CADPS2: variants seen among roughly 807,000 people sequenced by gnomAD.
The protein encoded by CADPS2 is calcium dependent secretion activator 2.
A neutral mutation model predicts 172.5 loss-of-function variants in CADPS2; 93 were observed. That is an observed-to-expected ratio of 0.54 (90% CI 0.46 to 0.64). The LOEUF is 0.64. CADPS2 is among the 30% of genes least tolerant of loss of function. The probability of loss-of-function intolerance (pLI) is 0.00; values close to 1 mark genes in which losing one functional copy is unlikely to be tolerated. For synonymous variants in CADPS2, 546 were observed against 555.2 expected (o/e 0.98, Z 0.23); for missense variants, 1,420 against 1,565.9 (o/e 0.91, Z 1.57).
chr7:122,499,647 T>G (rs1338282500), intron 9 of CADPS2, among the ~76,000 whole-genome samples: 3 of 152,150 alleles, frequency 2.0e-5, no homozygotes, highest in Non-Finnish European at 4.4e-5. Context: ...AGAAAAACTG[T>G]GTAAGTCCTT....
chr7:122,386,303 T>C, intron 24 of CADPS2: 1 of 1,441,258 alleles, frequency 6.9e-7, no homozygotes, highest in Non-Finnish European at 9.2e-7. Flanking sequence ...ACCCATTGAC[T>C]ACCAAACTGG....
chr7:122,695,782 T>G (rs1024675128), intron 2 of CADPS2, among the ~76,000 whole-genome samples: 1 of 152,204 alleles, frequency 6.6e-6, no homozygotes, highest in African/African-American at 2.4e-5. Context: ...ACATGCCAAT[T>G]TCTTATGCAT....
At chr7:122,871,034 T>G (rs1819607400) in intron 1 of CADPS2, among the ~76,000 whole-genome samples, 1 of 152,000 alleles carries the variant, frequency 6.6e-6, no homozygotes, top group African/African-American at 2.4e-5. Flanking sequence ...ATTAATCACT[T>G]TATTGATGAA....
At chr7:122,659,756 A>G (rs2080303805) in intron 3 of CADPS2, among the ~76,000 whole-genome samples, 1 of 152,142 alleles carries the variant, frequency 6.6e-6, no homozygotes, top group African/African-American at 2.4e-5. Flanking sequence ...AGGAAGCCAT[A>G]AGGGGGAAAA....
chr7:122,664,166 A>T (rs987926818), intron 2 of CADPS2, among the ~76,000 whole-genome samples: 31 of 152,004 alleles, frequency 2.0e-4, no homozygotes, highest in Admixed American at 3.3e-4. Context: ...TTCAGCAGGG[A>T]AAGAATCATG....
intron 2 of CADPS2, among the ~76,000 whole-genome samples, chr7:122,704,810 T>C (rs961309165): frequency 6.6e-6 from 1 of 152,086 alleles, no homozygotes; most frequent in African/African-American, 2.4e-5. Flanking sequence ...TCAGGGGACA[T>C]CTGGCTGCTT....
chr7:122,837,994 G>T (rs939148453), intron 1 of CADPS2, among the ~76,000 whole-genome samples: 3 of 152,164 alleles, frequency 2.0e-5, no homozygotes, highest in Middle Eastern at 3.4e-3. Context: ...AATTTTAGAC[G>T]AATATGCCTG....
chr7:122,841,049 T>C (rs892840984), intron 1 of CADPS2, among the ~76,000 whole-genome samples: 3 of 152,120 alleles, frequency 2.0e-5, no homozygotes, highest in Admixed American at 1.3e-4. Context: ...TTGATCAATA[T>C]AAGAAATCAC....
At chr7:122,506,827 T>C (rs942219872) in intron 9 of CADPS2, among the ~76,000 whole-genome samples, 1 of 152,112 alleles carries the variant, frequency 6.6e-6, no homozygotes, top group Admixed American at 6.6e-5. Context: ...GGAATATTTA[T>C]TGTTAACTGT....
intron 2 of CADPS2, among the ~76,000 whole-genome samples, chr7:122,668,159 TAA>T (rs1016713357): frequency 1.3e-5 from 2 of 152,126 alleles, no homozygotes; most frequent in Admixed American, 1.3e-4. Flanking sequence ...AAAGTGGAGT[TAA>T]AGAGGATTTG....
intron 1 of CADPS2, among the ~76,000 whole-genome samples, chr7:122,771,980 T>C (rs1167773567): frequency 6.6e-6 from 1 of 152,100 alleles, no homozygotes; most frequent in African/African-American, 2.4e-5. Context: ...ACAGTTCCAA[T>C]AGACCAGGTG....
intron 11 of CADPS2, 78 bp downstream of exon 11, chr7:122,490,003 A>G (rs945635521): frequency 3.3e-6 from 4 of 1,203,706 alleles, no homozygotes; most frequent in Admixed American, 3.8e-5. Context: ...AAACTATAAT[A>G]CTGAATACAT....
At position 122,878,639 on chromosome 7, in the gene CADPS2, CAAATAAATAAATAAATAAAT is replaced by C. The variant is rs59190953; in HGVS notation, c.339+7340_339+7359del. Among the ~76,000 whole-genome samples, 87 of 138,992 alleles carry C rather than the reference CAAATAAATAAATAAATAAAT, an allele frequency of 6.3e-4. 1 individual carries two copies. The East Asian group carries it at 6.6e-3, about 11-fold the overall frequency. 91.2% of individuals were successfully genotyped at this position (138,992 alleles called of 152,430 possible). A position where few individuals can be genotyped will look rare whatever the true frequency, so the allele number is the denominator to read the frequency against. The stretch of plus-strand genomic sequence containing the variant: ...TGGGCGACAGAGCAAGACTCTGTCT[CAAATAAATAAATAAATAAAT>C]AAATAAATAAATAAATAAATAAATA... On this transcript the variant is annotated intron_variant, in intron 1 of 29. Coordinates refer to ENST00000449022, the MANE Select transcript of CADPS2 (RefSeq NM_017954.11).
chr7:122,724,738 C>CTT (rs57164887), intron 2 of CADPS2, among the ~76,000 whole-genome samples: 2 of 151,866 alleles, frequency 1.3e-5, no homozygotes, highest in African/African-American at 2.4e-5. Flanking sequence ...GTTTTTTCAC[C>CTT]TTTTTTTTTC....
At chr7:122,379,290 G>T in intron 25 of CADPS2, 78 bp downstream of exon 25, 2 of 889,236 alleles carry the variant, frequency 2.2e-6, no homozygotes, top group Non-Finnish European at 3.4e-6. Context: ...TTCTCAATTA[G>T]ATATTTAAAA....
At chr7:122,580,727 G>A (rs13222449) in intron 7 of CADPS2, among the ~76,000 whole-genome samples, 54,107 of 151,960 alleles carry the variant, frequency 0.36, 10,040 homozygotes, top group Middle Eastern at 0.44. Context: ...CATGGGGAAA[G>A]TGGAAAAGAT....
intron 1 of CADPS2, among the ~76,000 whole-genome samples, chr7:122,810,226 C>T (rs1799731331): frequency 6.6e-6 from 1 of 152,140 alleles, no homozygotes; most frequent in Non-Finnish European, 1.5e-5. Context: ...TTCCCCAGAA[C>T]TCTTCAGATT....
chr7:122,670,229 T>C (rs1255567702), intron 2 of CADPS2, among the ~76,000 whole-genome samples: 1 of 152,124 alleles, frequency 6.6e-6, no homozygotes, highest in Non-Finnish European at 1.5e-5. Context: ...CTTAAAATTT[T>C]TCATTGGTCT....
intron 1 of CADPS2, among the ~76,000 whole-genome samples, chr7:122,763,527 A>T (rs928892986): frequency 2.0e-5 from 3 of 152,220 alleles, no homozygotes; most frequent in African/African-American, 7.2e-5. Flanking sequence ...CAGTAATGCC[A>T]TCATATCCAT....
Sources: allele counts gnomAD v4.1 joint callset (sites outside exome capture counted in the v4.1 genomes callset), GRCh38; gene constraint gnomAD v4.1.1; transcripts MANE v1.5; gene names NCBI Gene and HGNC (gene_info 2026-07-23, HGNC 2026-07-21).